PACRG: variants seen among roughly 807,000 people sequenced by gnomAD.
PACRG encodes the protein parkin coregulated gene protein.
PACRG carries 29 observed loss-of-function variants against 29.7 expected under a neutral mutation model. The observed-to-expected ratio is 0.98, with a 90% CI of 0.73 to 1.33. The LOEUF (loss-of-function observed/expected upper bound fraction) is 1.33, where lower values mean the gene tolerates loss of function less well. PACRG is among the 40% of genes most tolerant of loss of function. The pLI is 0.00. For missense variants in PACRG, 279 were observed against 316.2 expected (o/e 0.88, Z 0.89); for synonymous variants, 116 against 118.7 (o/e 0.98, Z 0.15).
Position 163,104,324 on chromosome 6 carries a change from A to G in PACRG, c.613+14916A>G, listed in dbSNP as rs536216990. 1.7e-3 allele frequency among the ~76,000 whole-genome samples: 263 copies of G among 151,890 alleles called. 1 individual carries two copies. The highest frequency in any genetic ancestry group is 6.2e-3 in the African/African-American group (257 of 41,472). Reference sequence around the variant, plus strand: ...CATGTAACCACATGGTGTGCATTCAATTTTTTTTTAATCCCAGCCAAATTC... The same window carrying G: ...CATGTAACCACATGGTGTGCATTCAGTTTTTTTTTAATCCCAGCCAAATTC... On this transcript the variant is annotated intron_variant, in intron 4 of 4. Coordinates refer to ENST00000366888, the MANE Select transcript of PACRG (RefSeq NM_001080379.2).
rs140996972 is a variant in PACRG, at chr6:162,998,457, TG to T, written c.292-63692del. ...TAATGTGAGCAGGTATTTGTTATTTTGTTCTGCAATGTTTCTGCATCTTTAA... is the reference window on the plus strand; with the variant it reads ...TAATGTGAGCAGGTATTTGTTATTTTTTCTGCAATGTTTCTGCATCTTTAA... On this transcript the variant is annotated intron_variant, in intron 2 of 4. Transcript: ENST00000366888. Among the ~76,000 whole-genome samples the T allele has an allele frequency of 4.0e-3, 604 of 152,372 alleles. 9 individuals are homozygous for T. Among genetic ancestry groups the T allele is most frequent in the Admixed American group, 0.029 (445 of 15,308 alleles).
intron 2 of PACRG, among the ~76,000 whole-genome samples, chr6:162,865,303 G>T (rs1792203968): frequency 6.6e-6 from 1 of 152,158 alleles, no homozygotes; most frequent in Admixed American, 6.5e-5. Context: ...AATTATTAAT[G>T]TATATGAGTA....
chr6:163,231,277 C>G (rs1337594765), intron 4 of PACRG, among the ~76,000 whole-genome samples: 1 of 152,222 alleles, frequency 6.6e-6, no homozygotes, highest in African/African-American at 2.4e-5. Context: ...TTTCTTATGT[C>G]CTGTGACCCA....
intron 2 of PACRG, among the ~76,000 whole-genome samples, chr6:163,024,019 G>T (rs1223536180): frequency 6.6e-6 from 1 of 152,064 alleles, no homozygotes; most frequent in Non-Finnish European, 1.5e-5. Flanking sequence ...TCTATAGTTT[G>T]CTTGTTTAAT....
At chr6:162,975,643 A>C (rs569786295) in intron 2 of PACRG, among the ~76,000 whole-genome samples, 1 of 152,112 alleles carries the variant, frequency 6.6e-6, no homozygotes, top group Non-Finnish European at 1.5e-5. Flanking sequence ...TAGTTACCCA[A>C]TTCTGCTTCA....
At chr6:162,834,985 A>G (rs1789098631) in intron 2 of PACRG, among the ~76,000 whole-genome samples, 1 of 152,058 alleles carries the variant, frequency 6.6e-6, no homozygotes, top group Admixed American at 6.6e-5. Context: ...TTAAACGAAT[A>G]TGCTTACTTA....
At chr6:163,249,198 C>G (rs957850943) in intron 4 of PACRG, among the ~76,000 whole-genome samples, 61 of 152,302 alleles carry the variant, frequency 4.0e-4, no homozygotes, top group East Asian at 1.9e-4. Flanking sequence ...CGCAAAGTCT[C>G]TGGGTCAATA....
intron 4 of PACRG, among the ~76,000 whole-genome samples, chr6:163,168,842 G>A (rs1778938763): frequency 6.6e-6 from 1 of 152,148 alleles, no homozygotes; most frequent in Non-Finnish European, 1.5e-5. Context: ...TTTATATGGA[G>A]TACTGGAGCT....
chr6:163,266,295 G>T (rs538404747), intron 4 of PACRG, among the ~76,000 whole-genome samples: 1 of 152,094 alleles, frequency 6.6e-6, no homozygotes, highest in Non-Finnish European at 1.5e-5. Flanking sequence ...AAGTAATACC[G>T]GTAAATAGGA....
chr6:162,825,485 G>A (rs1200774379), intron 2 of PACRG, among the ~76,000 whole-genome samples: 2 of 151,984 alleles, frequency 1.3e-5, no homozygotes, highest in African/African-American at 2.4e-5. Context: ...TAATTTACTA[G>A]TTTAATCTAC....
At chr6:162,911,147 A>T (rs536311162) in intron 2 of PACRG, among the ~76,000 whole-genome samples, 1 of 152,368 alleles carries the variant, frequency 6.6e-6, no homozygotes, top group African/African-American at 2.4e-5. Context: ...AAAATCAAGA[A>T]CTAAGTTATT....
chr6:163,209,318 C>A (rs550780484), intron 4 of PACRG, among the ~76,000 whole-genome samples: 1 of 152,116 alleles, frequency 6.6e-6, no homozygotes, highest in African/African-American at 2.4e-5. Flanking sequence ...TGTGGCAGTC[C>A]GCCTCAGCAT....
At chr6:162,994,773 G>A (rs1268131731) in intron 2 of PACRG, among the ~76,000 whole-genome samples, 3 of 151,074 alleles carry the variant, frequency 2.0e-5, no homozygotes, top group East Asian at 2.0e-4. Context: ...GCTTTGTTCC[G>A]TTGCTGGTAA....
chr6:163,159,973 G>A (rs769466508), intron 4 of PACRG, among the ~76,000 whole-genome samples: 9 of 152,188 alleles, frequency 5.9e-5, no homozygotes, highest in Non-Finnish European at 1.3e-4. Context: ...GCCCTGCTCC[G>A]ACAGAGGCTG....
At chr6:163,199,729 C>G (rs1416195670) in intron 4 of PACRG, among the ~76,000 whole-genome samples, 2 of 152,190 alleles carry the variant, frequency 1.3e-5, no homozygotes, top group Non-Finnish European at 2.9e-5. Flanking sequence ...GAGCTGTCTT[C>G]CTTTGAACTC....
intron 2 of PACRG, among the ~76,000 whole-genome samples, chr6:162,922,869 C>G (rs1562737136): frequency 6.6e-6 from 1 of 152,146 alleles, no homozygotes; most frequent in South Asian, 2.1e-4. Flanking sequence ...GCAATAAATA[C>G]AGAGATGCAG....
At chr6:162,750,150 C>T (rs1303741316) in intron 1 of PACRG, among the ~76,000 whole-genome samples, 6 of 152,122 alleles carry the variant, frequency 3.9e-5, no homozygotes, top group Non-Finnish European at 7.4e-5. Flanking sequence ...TTTATGTCTG[C>T]CTTCACTTAT....
At chr6:163,105,935 T>C (rs1162182180) in intron 4 of PACRG, among the ~76,000 whole-genome samples, 2 of 152,170 alleles carry the variant, frequency 1.3e-5, no homozygotes, top group Admixed American at 6.5e-5. Flanking sequence ...AATGAGATTA[T>C]TGACTTGTTA....
intron 1 of PACRG, among the ~76,000 whole-genome samples, chr6:162,733,366 T>C (rs1207532389): frequency 6.6e-6 from 1 of 152,254 alleles, no homozygotes; most frequent in Non-Finnish European, 1.5e-5. Context: ...CTTTTTAATC[T>C]TAACCAGAAC....
Sources: allele counts gnomAD v4.1 joint callset (sites outside exome capture counted in the v4.1 genomes callset), GRCh38; gene constraint gnomAD v4.1.1; transcripts MANE v1.5; gene names NCBI Gene and HGNC (gene_info 2026-07-23, HGNC 2026-07-21).